CFAP20DC: variants seen among roughly 807,000 people sequenced by gnomAD.
CFAP20DC encodes CFAP20 domain containing.
Under a neutral mutation model 101.7 loss-of-function variants are expected in CFAP20DC, and 84 were observed. The observed-to-expected ratio is 0.83, with a 90% CI of 0.69 to 0.99. The LOEUF is 0.99. CFAP20DC is among the 50% of genes least tolerant of loss of function. CFAP20DC has a pLI of 0.00. For synonymous variants in CFAP20DC, 359 were observed against 351.2 expected (o/e 1.02, Z -0.25); for missense variants, 1,007 against 970.3 (o/e 1.04, Z -0.50).
intron 4 of CFAP20DC, among the ~76,000 whole-genome samples, chr3:58,965,133 T>A (rs1373255077): frequency 6.6e-6 from 1 of 152,174 alleles, no homozygotes; most frequent in Admixed American, 6.5e-5. Flanking sequence ...GCAACAACCA[T>A]CCAGCGAGGT....
At chr3:58,763,775 A>C (rs905416099) in intron 15 of CFAP20DC, among the ~76,000 whole-genome samples, 4 of 152,200 alleles carry the variant, frequency 2.6e-5, no homozygotes, top group Non-Finnish European at 5.9e-5. Flanking sequence ...CCTCAGCTGC[A>C]GGTCTGTTGG....
chr3:58,816,768 C>G (rs530734496), intron 14 of CFAP20DC, among the ~76,000 whole-genome samples: 1 of 152,124 alleles, frequency 6.6e-6, no homozygotes, highest in African/African-American at 2.4e-5. Context: ...CCAGGAAGCT[C>G]GAACTGGGTG....
chr3:58,775,066 C>T (rs947468371), intron 15 of CFAP20DC, among the ~76,000 whole-genome samples: 1 of 152,168 alleles, frequency 6.6e-6, no homozygotes, highest in African/African-American at 2.4e-5. Context: ...GCACCCATGA[C>T]GCAGCCTCAG....
At position 58,863,210 on chromosome 3, in the gene CFAP20DC, G is replaced by C; in HGVS notation, c.1593+348C>G. ...GCAACTGCAACACAATTTCTCCAGAGATCTAGAACAGTATATTCTCAGTGT... is the reference window on the plus strand; with the variant it reads ...GCAACTGCAACACAATTTCTCCAGACATCTAGAACAGTATATTCTCAGTGT... On this transcript the variant is annotated intron_variant, in intron 12 of 16. Coordinates refer to ENST00000482387, the MANE Select transcript of CFAP20DC (RefSeq NM_001394063.1). This position sits in a 1 kb window ranked among gnomAD's most constrained non-coding sequence, Gnocchi z 5.9. The C allele has an allele frequency of 3.2e-6, 4 of 1,246,818 alleles. No homozygotes were observed. Among genetic ancestry groups the C allele is most frequent in the Non-Finnish European group, 4.0e-6 (4 of 997,328 alleles). The allele number at this position is 1,246,818 out of a possible 1,614,324, so 77.2% of individuals were successfully genotyped here.
intron 13 of CFAP20DC, among the ~76,000 whole-genome samples, chr3:58,839,963 T>C (rs576330874): frequency 6.6e-6 from 1 of 152,230 alleles, no homozygotes; most frequent in Non-Finnish European, 1.5e-5. Context: ...TTTGCAACCA[T>C]TGCATTAAAC....
At chr3:58,938,731 C>T (rs530416540) in intron 4 of CFAP20DC, among the ~76,000 whole-genome samples, 2 of 152,094 alleles carry the variant, frequency 1.3e-5, no homozygotes, top group South Asian at 2.1e-4. Flanking sequence ...TTTCTAATCT[C>T]GGTATTGCTC....
At chr3:58,733,862 T>C (rs1356562541) in intron 3 of CFAP20DC, among the ~76,000 whole-genome samples, 3 of 152,254 alleles carry the variant, frequency 2.0e-5, no homozygotes, top group Non-Finnish European at 4.4e-5. Flanking sequence ...CCCATTTTTT[T>C]CAGAGTATTA....
chr3:58,880,281 C>T (rs1254834762), intron 7 of CFAP20DC, among the ~76,000 whole-genome samples: 1 of 152,114 alleles, frequency 6.6e-6, no homozygotes, highest in Admixed American at 6.5e-5. Context: ...ATGTAGGTAA[C>T]TATCTTTTTT....
intron 14 of CFAP20DC, among the ~76,000 whole-genome samples, chr3:58,825,691 A>C (rs2075994595): frequency 6.6e-6 from 1 of 152,162 alleles, no homozygotes; most frequent in Admixed American, 6.5e-5. Flanking sequence ...CACGAGGGCT[A>C]CTCCTAACAG....
intron 13 of CFAP20DC, among the ~76,000 whole-genome samples, chr3:58,840,369 T>G (rs983441796): frequency 6.6e-6 from 1 of 152,182 alleles, no homozygotes; most frequent in Non-Finnish European, 1.5e-5. Context: ...CCAAATTCAA[T>G]TCAAGACCTC....
intron 6 of CFAP20DC, among the ~76,000 whole-genome samples, chr3:58,906,591 C>G (rs948364077): frequency 5.9e-5 from 9 of 152,030 alleles, no homozygotes; most frequent in African/African-American, 1.9e-4. Flanking sequence ...ACTCATTGTC[C>G]TATTTTCATT....
At chr3:59,038,928 T>C (rs866328367) in intron 4 of CFAP20DC, among the ~76,000 whole-genome samples, 2 of 152,220 alleles carry the variant, frequency 1.3e-5, no homozygotes, top group Admixed American at 1.3e-4. Context: ...TTAAATGTAA[T>C]GGTTAATTTA....
intron 15 of CFAP20DC, among the ~76,000 whole-genome samples, chr3:58,755,788 C>T (rs985467820): frequency 2.6e-5 from 4 of 152,130 alleles, no homozygotes; most frequent in African/African-American, 9.7e-5. Context: ...TATTTGCTCT[C>T]TATCTCTTAA....
At chr3:58,992,532 G>A in intron 4 of CFAP20DC, 1 of 978,256 alleles carries the variant, frequency 1.0e-6, no homozygotes, top group Non-Finnish European at 1.2e-6. Flanking sequence ...GGTTTGAGAA[G>A]TCCTAGTCTA....
intron 5 of CFAP20DC, among the ~76,000 whole-genome samples, chr3:58,926,951 T>A (rs2086054100): frequency 6.6e-6 from 1 of 152,194 alleles, no homozygotes; most frequent in South Asian, 2.1e-4. Flanking sequence ...AATACATACT[T>A]TGGTAACGAG....
chr3:59,025,482 CTATATT>C (rs998824063), intron 4 of CFAP20DC, among the ~76,000 whole-genome samples: 7 of 152,142 alleles, frequency 4.6e-5, no homozygotes, highest in Non-Finnish European at 1.0e-4. Flanking sequence ...GTACTCTTAT[CTATATT>C]TAAAGAATAT....
At chr3:58,881,186 G>A (rs1274483738) in intron 7 of CFAP20DC, among the ~76,000 whole-genome samples, 4 of 152,118 alleles carry the variant, frequency 2.6e-5, no homozygotes, top group East Asian at 3.8e-4. Context: ...AGGAGCTAGG[G>A]ATGTCAGTCT....
chr3:58,753,982 A>AT (rs1378562171), intron 15 of CFAP20DC, 119 bp from the exon 16 acceptor site: 1 of 638,804 alleles, frequency 1.6e-6, no homozygotes, highest in African/African-American at 1.9e-5. Context: ...CCTCCTTCAT[A>AT]TTTCAGAAAG....
At chr3:59,037,725 T>C (rs2094129387) in intron 4 of CFAP20DC, among the ~76,000 whole-genome samples, 1 of 152,088 alleles carries the variant, frequency 6.6e-6, no homozygotes, top group African/African-American at 2.4e-5. Context: ...TGGCGATTCC[T>C]CAAGAATCTA....
Sources: gnomAD v4.1 joint callset for allele counts (sites outside exome capture counted in the v4.1 genomes callset) on GRCh38, gnomAD v4.1.1 for gene constraint, Gnocchi (gnomAD v3.1) non-coding constraint, MANE v1.5 for transcripts, NCBI Gene and HGNC (gene_info 2026-07-23, HGNC 2026-07-21) for gene names.